The following MAML3 variants were observed in gnomAD, a reference collection of about 807,000 sequenced individuals.
MAML3 encodes the protein mastermind like transcriptional coactivator 3, also known as mastermind-like protein 3.
Under a neutral mutation model 101.9 loss-of-function variants are expected in MAML3, and 27 were observed. The observed-to-expected ratio is 0.27, with a 90% CI of 0.20 to 0.37. MAML3 has a LOEUF of 0.37. Ranked by LOEUF, MAML3 falls within the 10% of genes least tolerant of loss-of-function variation. The pLI is 1.00. For synonymous variants in MAML3, 501 were observed against 555.9 expected (o/e 0.90, Z 1.39); for missense variants, 1,316 against 1,444.9 (o/e 0.91, Z 1.45).
intron 1 of MAML3, among the ~76,000 whole-genome samples, chr4:139,968,049 C>T (rs1578621340): frequency 6.6e-6 from 1 of 151,242 alleles, no homozygotes; most frequent in Non-Finnish European, 1.5e-5. Flanking sequence ...GAGGCCAAGG[C>T]GGGTAGATTA....
Position 139,903,341 on chromosome 4 carries a change from A to T in MAML3, c.469-12374T>A, listed in dbSNP as rs536509146. On this transcript the variant is annotated intron_variant, in intron 1 of 4. Transcript: ENST00000509479. ...CAGGACTTTATTCTTGGGGCTGTAG[A>T]ATTCCCAATATAATAGCCTACTCCA... 4.6e-5 allele frequency among the ~76,000 whole-genome samples: 7 copies of T among 152,316 alleles called. No individual in the cohort carries two copies. In the South Asian group the frequency reaches 1.0e-3, roughly 23 times the overall value.
chr4:140,002,521 C>T (rs1467298227), intron 1 of MAML3, among the ~76,000 whole-genome samples: 1 of 152,220 alleles, frequency 6.6e-6, no homozygotes, highest in South Asian at 2.1e-4. Flanking sequence ...AATTTATTTT[C>T]ATGATACATT....
intron 1 of MAML3, among the ~76,000 whole-genome samples, chr4:139,968,352 G>A (rs752211589): frequency 6.6e-6 from 1 of 151,114 alleles, no homozygotes; most frequent in Non-Finnish European, 1.5e-5. Flanking sequence ...AAGAATCTGT[G>A]AAGTGTAGAC....
intron 2 of MAML3, among the ~76,000 whole-genome samples, chr4:139,880,034 G>A (rs773048551): frequency 1.7e-4 from 26 of 152,144 alleles, no homozygotes; most frequent in Non-Finnish European, 3.2e-4. Flanking sequence ...TTGGCTGGGC[G>A]TGGCGGCCTG....
intron 1 of MAML3, among the ~76,000 whole-genome samples, chr4:139,982,979 A>G (rs529571214): frequency 1.3e-5 from 2 of 152,286 alleles, no homozygotes; most frequent in South Asian, 4.1e-4. Flanking sequence ...GTCTCTATGC[A>G]TTTTCAAAGT....
intron 2 of MAML3, among the ~76,000 whole-genome samples, chr4:139,744,551 C>T (rs990093598): frequency 2.0e-5 from 3 of 152,120 alleles, no homozygotes; most frequent in Non-Finnish European, 2.9e-5. Context: ...CAATGTGTGG[C>T]GTGTATATTT....
At chr4:140,038,056 T>C (rs548297125) in intron 1 of MAML3, among the ~76,000 whole-genome samples, 2 of 152,234 alleles carry the variant, frequency 1.3e-5, no homozygotes, top group Admixed American at 1.3e-4. Context: ...ATTCCACTAG[T>C]CTGAGAAGAT....
chr4:139,843,131 C>T (rs546945145), intron 2 of MAML3, among the ~76,000 whole-genome samples: 224 of 152,228 alleles, frequency 1.5e-3, no homozygotes, highest in Middle Eastern at 6.8e-3. Context: ...CTTCTTTTCC[C>T]TCTAAAGAGA....
chr4:139,935,121 C>T (rs144271769), intron 1 of MAML3, among the ~76,000 whole-genome samples: 2 of 151,936 alleles, frequency 1.3e-5, no homozygotes, highest in South Asian at 2.1e-4. Flanking sequence ...CCTATCACCC[C>T]CCTTCCTCAG....
intron 2 of MAML3, among the ~76,000 whole-genome samples, chr4:139,854,625 C>A (rs191654700): frequency 5.9e-5 from 9 of 151,742 alleles, no homozygotes; most frequent in African/African-American, 2.2e-4. Context: ...AGATGTCCCA[C>A]TCAATGCTGG....
chr4:139,888,189 G>A (rs1732380878), intron 2 of MAML3, among the ~76,000 whole-genome samples: 1 of 152,090 alleles, frequency 6.6e-6, no homozygotes, highest in African/African-American at 2.4e-5. Context: ...GGGGTGGGGT[G>A]GGGCACTCCA....
intron 2 of MAML3, among the ~76,000 whole-genome samples, chr4:139,846,862 TTG>T (rs1731460826): frequency 6.6e-6 from 1 of 152,192 alleles, no homozygotes; most frequent in Admixed American, 6.5e-5. Flanking sequence ...TGGAGGAAAA[TTG>T]TGTGTTTTCC....
intron 1 of MAML3, among the ~76,000 whole-genome samples, chr4:140,058,167 G>A (rs1578662759): frequency 6.6e-6 from 1 of 152,178 alleles, no homozygotes; most frequent in South Asian, 2.1e-4. Flanking sequence ...AACAAATAAT[G>A]GACAAGGAAG....
At chr4:139,882,887 C>T (rs919120667) in intron 2 of MAML3, among the ~76,000 whole-genome samples, 1 of 152,082 alleles carries the variant, frequency 6.6e-6, no homozygotes, top group African/African-American at 2.4e-5. Context: ...ACAACAACAA[C>T]AAAACCTATA....
At chr4:139,752,560 G>A (rs1323359304) in intron 2 of MAML3, among the ~76,000 whole-genome samples, 1 of 152,164 alleles carries the variant, frequency 6.6e-6, no homozygotes, top group African/African-American at 2.4e-5. Context: ...CAGGTCATGG[G>A]AAGCTTTGGA....
chr4:139,790,189 T>G (rs1331436972), intron 2 of MAML3, among the ~76,000 whole-genome samples: 2 of 140,336 alleles, frequency 1.4e-5, no homozygotes, highest in East Asian at 4.0e-4. Context: ...ACCTAGGCTG[T>G]GAGATGTGTC....
At chr4:140,029,692 C>G (rs542218158) in intron 1 of MAML3, among the ~76,000 whole-genome samples, 220 of 152,246 alleles carry the variant, frequency 1.4e-3, no homozygotes, top group Middle Eastern at 3.4e-3. Flanking sequence ...TCTAAAAAGA[C>G]TGAAACAAGT....
chr4:140,059,685 T>A (rs1253058818), intron 1 of MAML3, among the ~76,000 whole-genome samples: 1 of 152,204 alleles, frequency 6.6e-6, no homozygotes, highest in Non-Finnish European at 1.5e-5. Context: ...ATTAGCATAT[T>A]CCTCACTGAG....
At chr4:139,875,792 G>T (rs1419622784) in intron 2 of MAML3, among the ~76,000 whole-genome samples, 4 of 152,140 alleles carry the variant, frequency 2.6e-5, no homozygotes, top group Non-Finnish European at 5.9e-5. Context: ...CACAAAGCCG[G>T]CTGGGTTGGC....
Sources: gnomAD v4.1 joint callset for allele counts (sites outside exome capture counted in the v4.1 genomes callset) on GRCh38, gnomAD v4.1.1 for gene constraint, MANE v1.5 for transcripts, NCBI Gene and HGNC (gene_info 2026-07-23, HGNC 2026-07-21) for gene names.